Variants in PDE7B observed in about 807,000 individuals in gnomAD.
The protein encoded by PDE7B is phosphodiesterase 7B.
In PDE7B, 29 loss-of-function variants were observed where a neutral mutation model predicts 56.2. That is an observed-to-expected ratio of 0.52 (90% confidence interval 0.38 to 0.70). PDE7B has a LOEUF of 0.70. Among genes scored for constraint, PDE7B ranks in the 30% least tolerant of loss-of-function variants. The pLI is 0.00. For synonymous variants in PDE7B, 197 were observed against 196.9 expected, an observed-to-expected ratio of 1.00 and a Z score of 0.00; for missense variants, 490 against 565.0, an observed-to-expected ratio of 0.87 and a Z score of 1.35.
chr6:135,915,204 C>T lies in PDE7B; in HGVS notation c.22-32260C>T, dbSNP rs183095381. Among the ~76,000 whole-genome samples the T allele has an allele frequency of 2.9e-3, 436 of 152,216 alleles. 2 individuals are homozygous for T. The highest frequency in any genetic ancestry group is 3.3e-3 in the Non-Finnish European group (223 of 68,018). On this transcript the variant is annotated intron_variant, in intron 1 of 12. Coordinates refer to ENST00000308191, the MANE Select transcript of PDE7B (RefSeq NM_018945.4). ...ATTTAACTGCCTATTCCCCAGTTGA[C>T]GGACATTTGGAGTTTTGTCTGTCAC...
intron 2 of PDE7B, among the ~76,000 whole-genome samples, chr6:135,984,782 A>G (rs897566675): frequency 1.3e-5 from 2 of 152,172 alleles, no homozygotes; most frequent in Non-Finnish European, 2.9e-5. Context: ...CACCCACAAC[A>G]TAGAAATGGT....
At chr6:136,138,211 T>C (rs1451109690) in intron 3 of PDE7B, among the ~76,000 whole-genome samples, 2 of 152,122 alleles carry the variant, frequency 1.3e-5, no homozygotes, top group African/African-American at 4.8e-5. Flanking sequence ...TAGCTAATCA[T>C]TTACGTTTCT....
intron 9 of PDE7B, among the ~76,000 whole-genome samples, chr6:136,174,919 AAG>A (rs1434607720): frequency 6.6e-6 from 1 of 152,204 alleles, no homozygotes; most frequent in Non-Finnish European, 1.5e-5. Flanking sequence ...TAAATGCAAA[AAG>A]AACTAAAAAC....
chr6:136,045,957 T>C, intron 2 of PDE7B, among the ~76,000 whole-genome samples: 1 of 131,578 alleles, frequency 7.6e-6, no homozygotes, highest in East Asian at 2.5e-4. Flanking sequence ...AGAAAGATTG[T>C]CTTTCTTGCT....
At chr6:135,875,587 T>C (rs1775477030) in intron 1 of PDE7B, among the ~76,000 whole-genome samples, 1 of 152,322 alleles carries the variant, frequency 6.6e-6, no homozygotes, top group Non-Finnish European at 1.5e-5. Context: ...TAAATTTTTA[T>C]AGCAAATGCT....
At chr6:136,147,228 T>C in intron 3 of PDE7B, 123 bp from the exon 4 acceptor site, 2 of 603,434 alleles carry the variant, frequency 3.3e-6, no homozygotes, top group Middle Eastern at 4.1e-4. Context: ...ATAGACCATA[T>C]TTTTAAAAGT....
At chr6:135,868,468 C>T (rs1392569130) in intron 1 of PDE7B, among the ~76,000 whole-genome samples, 1 of 152,042 alleles carries the variant, frequency 6.6e-6, no homozygotes, top group Non-Finnish European at 1.5e-5. Flanking sequence ...CGCTCTGTCA[C>T]CCAGTCTGGC....
chr6:135,907,629 CTG>C (rs1228653979), intron 1 of PDE7B, among the ~76,000 whole-genome samples: 28 of 151,952 alleles, frequency 1.8e-4, no homozygotes, highest in Admixed American at 1.8e-3. Flanking sequence ...ACAACATTAA[CTG>C]TTTCTATATG....
At chr6:135,930,785 A>G (rs1774280330) in intron 1 of PDE7B, among the ~76,000 whole-genome samples, 1 of 152,208 alleles carries the variant, frequency 6.6e-6, no homozygotes, top group African/African-American at 2.4e-5. Flanking sequence ...GTATATCTTA[A>G]TGGTACATGG....
intron 1 of PDE7B, among the ~76,000 whole-genome samples, chr6:135,921,647 G>T (rs1009387227): frequency 1.3e-5 from 2 of 151,766 alleles, no homozygotes; most frequent in Admixed American, 6.6e-5. Context: ...AAACAAGGCT[G>T]ATTTGCCAAT....
chr6:136,010,530 C>T lies in PDE7B; in HGVS notation c.82+63006C>T, dbSNP rs763660672. ...AAGCGATTCTCCTGCCTCAGCTTCC[C>T]GAGTAGCTGGGATTACAAGCACATG... On this transcript the variant is annotated intron_variant, in intron 2 of 12. Transcript: ENST00000308191. Among the ~76,000 whole-genome samples, 22 of 151,842 alleles carry T rather than the reference C, an allele frequency of 1.4e-4. No individual in the cohort carries two copies. The South Asian group carries it at 1.5e-3, about 10-fold the overall frequency.
At chr6:135,888,214 C>G (rs1026458285) in intron 1 of PDE7B, among the ~76,000 whole-genome samples, 3 of 152,256 alleles carry the variant, frequency 2.0e-5, no homozygotes, top group Non-Finnish European at 2.9e-5. Context: ...ACTGAGTAAC[C>G]TCTTTACAAG....
chr6:136,043,120 G>T (rs569599033), intron 2 of PDE7B, among the ~76,000 whole-genome samples: 1 of 152,304 alleles, frequency 6.6e-6, no homozygotes, highest in East Asian at 1.9e-4. Flanking sequence ...CTCAATGGCA[G>T]ATAAGTATTA....
At chr6:136,088,584 T>A (rs1282926840) in intron 2 of PDE7B, among the ~76,000 whole-genome samples, 1 of 152,148 alleles carries the variant, frequency 6.6e-6, no homozygotes, top group Non-Finnish European at 1.5e-5. Context: ...TATATTGTAT[T>A]GTTTGCATTT....
intron 6 of PDE7B, among the ~76,000 whole-genome samples, chr6:136,153,401 T>C (rs1043921472): frequency 1.3e-5 from 2 of 152,178 alleles, no homozygotes; most frequent in African/African-American, 4.8e-5. Context: ...CTGAAGCAGG[T>C]TAGCGTCTTC....
intron 2 of PDE7B, among the ~76,000 whole-genome samples, chr6:136,080,272 C>G (rs1464816190): frequency 1.3e-5 from 2 of 152,176 alleles, no homozygotes; most frequent in African/African-American, 4.8e-5. Flanking sequence ...CCTAAAGTTA[C>G]AGGCTCTCCA....
intron 1 of PDE7B, among the ~76,000 whole-genome samples, chr6:135,922,958 C>T (rs1332690669): frequency 2.0e-5 from 3 of 152,076 alleles, no homozygotes; most frequent in African/African-American, 7.3e-5. Context: ...TCTGATTTCC[C>T]AGAGCCGTCC....
At chr6:135,990,370 A>G (rs2128205114) in intron 2 of PDE7B, among the ~76,000 whole-genome samples, 1 of 152,308 alleles carries the variant, frequency 6.6e-6, no homozygotes, top group South Asian at 2.1e-4. Flanking sequence ...TGCTGGGATT[A>G]CAGGCGTGAG....
intron 1 of PDE7B, among the ~76,000 whole-genome samples, chr6:135,934,742 AT>A (rs1309795275): frequency 0.013 from 603 of 45,328 alleles, 8 homozygotes; most frequent in African/African-American, 0.028. Flanking sequence ...AAAAAAAAAT[AT>A]ATATATATAT....
Sources: gnomAD v4.1 joint callset for allele counts (sites outside exome capture counted in the v4.1 genomes callset) on GRCh38, gnomAD v4.1.1 for gene constraint, MANE v1.5 for transcripts, NCBI Gene and HGNC (gene_info 2026-07-23, HGNC 2026-07-21) for gene names.